GPC6: variants seen among roughly 807,000 people sequenced by gnomAD.
GPC6 encodes the protein glypican 6.
Under a neutral mutation model 55.2 loss-of-function variants are expected in GPC6, and 14 were observed. The ratio of observed to expected loss-of-function variants is 0.25; its 90% CI spans 0.17 to 0.40. The LOEUF is 0.40. Ranked by LOEUF, GPC6 falls within the 10% of genes least tolerant of loss-of-function variation. The probability of loss-of-function intolerance (pLI) is 1.00; values close to 1 mark genes in which losing one functional copy is unlikely to be tolerated. For synonymous variants in GPC6, 278 were observed against 259.6 expected, an observed-to-expected ratio of 1.07 and a Z score of -0.68; for missense variants, 641 against 708.5, an observed-to-expected ratio of 0.90 and a Z score of 1.08.
intron 8 of GPC6, 112 bp from the exon 9 acceptor site, chr13:94,402,903 C>A (rs1881205246): frequency 4.7e-6 from 4 of 857,178 alleles, no homozygotes; most frequent in Admixed American, 1.7e-5. Flanking sequence ...CATGGCCTCT[C>A]CCCTGACAGG....
At chr13:93,558,882 T>G (rs1010405617) in intron 2 of GPC6, among the ~76,000 whole-genome samples, 1 of 152,190 alleles carries the variant, frequency 6.6e-6, no homozygotes, top group African/African-American at 2.4e-5. Context: ...TGTGTGTGTT[T>G]GTATAACACT....
intron 3 of GPC6, among the ~76,000 whole-genome samples, chr13:93,937,741 G>T (rs998262772): frequency 3.3e-5 from 5 of 152,008 alleles, no homozygotes; most frequent in African/African-American, 4.8e-5. Flanking sequence ...ACTGTGCTTG[G>T]CTAATTTTTG....
chr13:93,537,489 A>G, intron 1 of GPC6, among the ~76,000 whole-genome samples: 1 of 152,320 alleles, frequency 6.6e-6, no homozygotes, highest in Non-Finnish European at 1.5e-5. Flanking sequence ...TTAGATAATA[A>G]TAGATTGATT....
chr13:93,665,406 A>T (rs1372214259), intron 2 of GPC6, among the ~76,000 whole-genome samples: 4 of 152,194 alleles, frequency 2.6e-5, no homozygotes, highest in African/African-American at 9.7e-5. Flanking sequence ...ACATATATTA[A>T]TATAGGTCTA....
chr13:93,518,972 A>G (rs1881308770), intron 1 of GPC6, among the ~76,000 whole-genome samples: 1 of 152,006 alleles, frequency 6.6e-6, no homozygotes, highest in Admixed American at 6.6e-5. Context: ...ACATAGCCAC[A>G]CTAATTCATT....
rs866387823 is a variant in GPC6 at position 94,087,177 on chromosome 13, T to G, written c.877+59283T>G. ...TGATGGTGTTCATACATGCTCCCTG[T>G]TGGGGAAAGCCGATGAATGAGCAGA... On this transcript the variant is annotated intron_variant, in intron 4 of 8. Coordinates refer to ENST00000377047, the MANE Select transcript of GPC6 (RefSeq NM_005708.5). 2.0e-5 allele frequency among the ~76,000 whole-genome samples: 3 copies of G among 152,366 alleles called. No individual in the cohort carries two copies. In the South Asian group the frequency reaches 6.2e-4, roughly 32 times the overall value.
intron 3 of GPC6, among the ~76,000 whole-genome samples, chr13:93,938,173 C>G (rs1400537801): frequency 6.6e-6 from 1 of 152,042 alleles, no homozygotes; most frequent in Non-Finnish European, 1.5e-5. Flanking sequence ...GCAAATATAG[C>G]CAATTTTTCC....
At chr13:93,774,647 T>C (rs1187287001) in intron 2 of GPC6, among the ~76,000 whole-genome samples, 2 of 152,198 alleles carry the variant, frequency 1.3e-5, no homozygotes, top group African/African-American at 2.4e-5. Context: ...ATTAAATAAG[T>C]TAACACAAAG....
chr13:94,254,514 C>G (rs1891448620), intron 4 of GPC6, among the ~76,000 whole-genome samples: 1 of 151,948 alleles, frequency 6.6e-6, no homozygotes, highest in Non-Finnish European at 1.5e-5. Context: ...ATCTGTGCTA[C>G]AAACATACTT....
chr13:93,248,029 G>A (rs1193384156), intron 1 of GPC6, among the ~76,000 whole-genome samples: 4 of 152,224 alleles, frequency 2.6e-5, no homozygotes, highest in African/African-American at 7.2e-5. Flanking sequence ...CTCGGCCTGG[G>A]CTATTGATGA....
At chr13:94,274,055 A>G (rs1384034235) in intron 4 of GPC6, among the ~76,000 whole-genome samples, 2 of 152,228 alleles carry the variant, frequency 1.3e-5, no homozygotes, top group Non-Finnish European at 2.9e-5. Flanking sequence ...CAAAGATATA[A>G]TATAGCAATG....
intron 4 of GPC6, among the ~76,000 whole-genome samples, chr13:94,136,653 T>G (rs1240130402): frequency 1.3e-5 from 2 of 152,100 alleles, no homozygotes; most frequent in Non-Finnish European, 2.9e-5. Context: ...GAGCTTGCAG[T>G]GAGCCAAGAT....
At chr13:93,753,032 A>C (rs1332805972) in intron 2 of GPC6, among the ~76,000 whole-genome samples, 1 of 152,182 alleles carries the variant, frequency 6.6e-6, no homozygotes, top group Non-Finnish European at 1.5e-5. Context: ...CCTTAGTTTT[A>C]AGCTACTGAA....
intron 3 of GPC6, among the ~76,000 whole-genome samples, chr13:93,891,341 G>T (rs1310265917): frequency 1.3e-5 from 2 of 152,084 alleles, no homozygotes; most frequent in African/African-American, 2.4e-5. Context: ...AGGTTGCTTT[G>T]TTTGGCTTTC....
At chr13:93,819,472 TAC>T (rs1227831520) in intron 2 of GPC6, among the ~76,000 whole-genome samples, 2 of 152,220 alleles carry the variant, frequency 1.3e-5, no homozygotes, top group Non-Finnish European at 2.9e-5. Flanking sequence ...TTACTGTTAA[TAC>T]AGTTATATAC....
intron 1 of GPC6, among the ~76,000 whole-genome samples, chr13:93,444,195 C>CTTCTTTTTTTTT (rs755978023): frequency 1.4e-4 from 15 of 110,670 alleles, no homozygotes; most frequent in East Asian, 2.5e-4. Flanking sequence ...TGCAATTCTT[C>CTTCTTTTTTTTT]TTTTTTTTTT....
At chr13:93,866,586 G>A (rs537618384) in intron 3 of GPC6, among the ~76,000 whole-genome samples, 43 of 151,742 alleles carry the variant, frequency 2.8e-4, no homozygotes, top group Non-Finnish European at 4.6e-4. Flanking sequence ...GATGGAGCTG[G>A]AGGCCATTGT....
At chr13:93,770,155 C>T (rs150466983) in intron 2 of GPC6, among the ~76,000 whole-genome samples, 206 of 152,162 alleles carry the variant, frequency 1.4e-3, no homozygotes, top group African/African-American at 4.7e-3. Flanking sequence ...ACCATACAAC[C>T]CCCACTTTTA....
chr13:93,360,293 T>C (rs1200725096), intron 1 of GPC6, among the ~76,000 whole-genome samples: 1 of 152,138 alleles, frequency 6.6e-6, no homozygotes, highest in Non-Finnish European at 1.5e-5. Context: ...TCTCTGCCAA[T>C]CTGTGCAGTG....
Sources: allele counts gnomAD v4.1 joint callset (sites outside exome capture counted in the v4.1 genomes callset), GRCh38; gene constraint gnomAD v4.1.1; transcripts MANE v1.5; gene names NCBI Gene and HGNC (gene_info 2026-07-23, HGNC 2026-07-21).